Variants in DLG2 observed in about 807,000 individuals in gnomAD.
DLG2 encodes the protein discs large MAGUK scaffold protein 2, also known as disks large homolog 2.
Under a neutral mutation model 132.5 loss-of-function variants are expected in DLG2, and 45 were observed. The ratio of observed to expected loss-of-function variants is 0.34; its 90% CI spans 0.27 to 0.44. The LOEUF is 0.44. Among genes scored for constraint, DLG2 ranks in the 20% least tolerant of loss-of-function variants. DLG2 has a pLI of 1.00. For synonymous variants in DLG2, 424 were observed against 419.6 expected, an observed-to-expected ratio of 1.01 and a Z score of -0.13; for missense variants, 1,045 against 1,196.9, an observed-to-expected ratio of 0.87 and a Z score of 1.87.
intron 5 of DLG2, among the ~76,000 whole-genome samples, chr11:85,121,381 T>C (rs910494209): frequency 2.0e-5 from 3 of 150,876 alleles, no homozygotes; most frequent in African/African-American, 4.8e-5. Flanking sequence ...TTATAGTATA[T>C]TTATGATAAA....
chr11:84,399,238 G>A (rs1167870768), intron 7 of DLG2, among the ~76,000 whole-genome samples: 1 of 151,904 alleles, frequency 6.6e-6, no homozygotes, highest in Non-Finnish European at 1.5e-5. Flanking sequence ...TCTTCTATAT[G>A]TCACCTTTAA....
chr11:84,139,622 A>G (rs2094755469), intron 9 of DLG2, among the ~76,000 whole-genome samples: 1 of 152,096 alleles, frequency 6.6e-6, no homozygotes, highest in Non-Finnish European at 1.5e-5. Context: ...GGAGGTAGGT[A>G]TTATTATCAT....
At chr11:84,553,687 G>A (rs1054771402) in intron 6 of DLG2, among the ~76,000 whole-genome samples, 4 of 152,170 alleles carry the variant, frequency 2.6e-5, no homozygotes, top group Non-Finnish European at 5.9e-5. Context: ...GATTTAAGAT[G>A]CTTAAAGGCA....
At chr11:84,018,475 A>G (rs2095287002) in intron 11 of DLG2, among the ~76,000 whole-genome samples, 1 of 152,028 alleles carries the variant, frequency 6.6e-6, no homozygotes, top group Non-Finnish European at 1.5e-5. Flanking sequence ...ATTATTCCAG[A>G]TAATAAATAG....
chr11:85,122,957 A>ATATATAT lies in DLG2; in HGVS notation c.283-11229_283-11223dup, dbSNP rs1555376349. Among the ~76,000 whole-genome samples, 40 of 44,158 alleles carry ATATATAT rather than the reference A, an allele frequency of 9.1e-4. 1 individual carries two copies. The highest frequency in any genetic ancestry group is 4.6e-3 in the South Asian group (4 of 870). The allele number at this position is 44,158 out of a possible 152,430, so 29.0% of individuals were successfully genotyped here. A position where few individuals can be genotyped will look rare whatever the true frequency, so the allele number is the denominator to read the frequency against. On this transcript the variant is annotated intron_variant, in intron 5 of 27. Coordinates refer to ENST00000376104, the MANE Select transcript of DLG2 (RefSeq NM_001142699.3). ...GTGTGTCTGTATATATATTATATAT[A>ATATATAT]TATATATATATATTTTTTTTTTTTT... is the stretch of plus-strand genomic sequence containing the variant.
At chr11:84,635,242 G>A (rs2099638642) in intron 6 of DLG2, among the ~76,000 whole-genome samples, 1 of 152,216 alleles carries the variant, frequency 6.6e-6, no homozygotes, top group African/African-American at 2.4e-5. Context: ...TCTGTTGGCA[G>A]GAAGTCCAAT....
chr11:84,563,916 G>A (rs958603311), intron 6 of DLG2, among the ~76,000 whole-genome samples: 3 of 151,996 alleles, frequency 2.0e-5, no homozygotes, highest in Non-Finnish European at 2.9e-5. Flanking sequence ...CACACTGAAA[G>A]GTCATGTTCA....
intron 6 of DLG2, among the ~76,000 whole-genome samples, chr11:84,631,710 T>C (rs765423534): frequency 3.3e-5 from 5 of 152,050 alleles, no homozygotes; most frequent in Non-Finnish European, 5.9e-5. Flanking sequence ...ACAAAATAAA[T>C]ATCTTCACTG....
intron 5 of DLG2, among the ~76,000 whole-genome samples, chr11:85,150,314 C>T (rs1330854859): frequency 1.3e-5 from 2 of 151,994 alleles, no homozygotes; most frequent in African/African-American, 4.8e-5. Flanking sequence ...GCCACCGTGC[C>T]CGGCCTCCGT....
chr11:84,032,543 A>G lies in DLG2; in HGVS notation c.919+26772T>C, dbSNP rs187312347. Among the ~76,000 whole-genome samples, 650 of 152,356 alleles carry G rather than the reference A, an allele frequency of 4.3e-3. 5 individuals are homozygous for G. The highest frequency in any genetic ancestry group is 0.015 in the African/African-American group (627 of 41,582). ...TTTGTGAAGTTTAGGGAAATAAGCC[A>G]TCTCCTTAACATGAAAGTGCAAGGT... On this transcript the variant is annotated intron_variant, in intron 11 of 27. Coordinates refer to ENST00000376104, the MANE Select transcript of DLG2 (RefSeq NM_001142699.3).
At chr11:84,727,611 G>GC (rs2062640815) in intron 6 of DLG2, among the ~76,000 whole-genome samples, 1 of 151,242 alleles carries the variant, frequency 6.6e-6, no homozygotes, top group Non-Finnish European at 1.5e-5. Context: ...CTTTAAAGTA[G>GC]TTTTTTTTTC....
intron 7 of DLG2, among the ~76,000 whole-genome samples, chr11:84,493,193 T>C (rs1429414108): frequency 1.3e-5 from 2 of 152,254 alleles, no homozygotes; most frequent in South Asian, 2.1e-4. Context: ...CAGATTCAAA[T>C]ATCATCCAGC....
At chr11:85,436,989 T>C (rs917677540) in intron 3 of DLG2, among the ~76,000 whole-genome samples, 1 of 152,222 alleles carries the variant, frequency 6.6e-6, no homozygotes, top group African/African-American at 2.4e-5. Flanking sequence ...AATGAGATCA[T>C]GTCCTTTGCA....
intron 19 of DLG2, among the ~76,000 whole-genome samples, chr11:83,590,653 A>G (rs2097171711): frequency 6.6e-6 from 1 of 152,210 alleles, no homozygotes; most frequent in Non-Finnish European, 1.5e-5. Context: ...AGCAGAACTG[A>G]AGGTAATAGA....
intron 9 of DLG2, among the ~76,000 whole-genome samples, chr11:84,119,430 A>G (rs11825701): frequency 0.05 from 7,542 of 151,314 alleles, 597 homozygotes; most frequent in African/African-American, 0.17. Flanking sequence ...GGATTCATAT[A>G]TATATGAATT....
intron 4 of DLG2, among the ~76,000 whole-genome samples, chr11:85,206,733 T>C (rs2081922070): frequency 6.6e-6 from 1 of 152,094 alleles, no homozygotes; most frequent in Admixed American, 6.5e-5. Flanking sequence ...CTTGGGAGGC[T>C]GAGGAAGGGG....
At chr11:84,982,033 C>T (rs2055828804) in intron 6 of DLG2, among the ~76,000 whole-genome samples, 1 of 151,978 alleles carries the variant, frequency 6.6e-6, no homozygotes, top group Admixed American at 6.6e-5. Flanking sequence ...ACATTTTTAC[C>T]CTTTACCTTC....
intron 6 of DLG2, among the ~76,000 whole-genome samples, chr11:85,089,189 T>C (rs964555303): frequency 6.6e-5 from 10 of 152,156 alleles, no homozygotes; most frequent in Admixed American, 2.6e-4. Flanking sequence ...CATGCATATA[T>C]TGCATGATGC....
intron 6 of DLG2, among the ~76,000 whole-genome samples, chr11:85,082,794 C>T (rs1337779151): frequency 2.3e-5 from 3 of 128,544 alleles, no homozygotes; most frequent in South Asian, 4.9e-4. Context: ...AGGCCTTGTT[C>T]CCCACAATTT....
Sources: gnomAD v4.1 joint callset for allele counts (sites outside exome capture counted in the v4.1 genomes callset) on GRCh38, gnomAD v4.1.1 for gene constraint, MANE v1.5 for transcripts, NCBI Gene and HGNC (gene_info 2026-07-23, HGNC 2026-07-21) for gene names.